CNTNAP2: variants seen among roughly 807,000 people sequenced by gnomAD.
CNTNAP2 encodes the protein contactin associated protein 2.
CNTNAP2 carries 98 observed loss-of-function variants against 155.2 expected under a neutral mutation model. The observed-to-expected ratio is 0.63, with a 90% confidence interval of 0.54 to 0.75. CNTNAP2 has a LOEUF of 0.75. Ranked by LOEUF, CNTNAP2 falls within the 30% of genes least tolerant of loss-of-function variation. The probability of loss-of-function intolerance (pLI) is 0.00; values close to 1 mark genes in which losing one functional copy is unlikely to be tolerated. For synonymous variants in CNTNAP2, 651 were observed against 631.2 expected (o/e 1.03, Z -0.47); for missense variants, 1,727 against 1,688.1 (o/e 1.02, Z -0.40).
At chr7:148,030,946 G>A (rs1208931948) in intron 15 of CNTNAP2, among the ~76,000 whole-genome samples, 1 of 152,122 alleles carries the variant, frequency 6.6e-6, no homozygotes, top group Non-Finnish European at 1.5e-5. Flanking sequence ...ATTAAAAATG[G>A]CAGAGAGACT....
At chr7:146,909,009 A>T (rs1199334274) in intron 3 of CNTNAP2, among the ~76,000 whole-genome samples, 3 of 150,898 alleles carry the variant, frequency 2.0e-5, no homozygotes, top group African/African-American at 7.3e-5. Context: ...CTACCATCAG[A>T]GAATACTACA....
intron 13 of CNTNAP2, among the ~76,000 whole-genome samples, chr7:147,738,381 AGTCAATTGATGTGGCAAACATCATTGTT>A (rs146674699): frequency 0.088 from 13,376 of 152,238 alleles, 823 homozygotes; most frequent in Non-Finnish European, 0.14. Context: ...CATGAAAGGA[AGTCAATTGATGTGGCAAACATCATTGTT>A]GCCTTATTTT....
chr7:146,168,085 CTT>C, intron 1 of CNTNAP2, among the ~76,000 whole-genome samples: 1 of 152,238 alleles, frequency 6.6e-6, no homozygotes, highest in East Asian at 1.9e-4. Flanking sequence ...CTTCTGTCTG[CTT>C]TATTTTGGCT....
chr7:147,045,542 G>C (rs147452845), intron 4 of CNTNAP2, among the ~76,000 whole-genome samples: 310 of 152,250 alleles, frequency 2.0e-3, no homozygotes, highest in African/African-American at 7.2e-3. Flanking sequence ...AAAATTAGTA[G>C]AGAGACAAAA....
chr7:147,852,110 G>A (rs190583097), intron 13 of CNTNAP2, among the ~76,000 whole-genome samples: 74 of 152,176 alleles, frequency 4.9e-4, no homozygotes, highest in Middle Eastern at 6.8e-3. Flanking sequence ...TGTGAAGAGA[G>A]GTATGCACAA....
At chr7:146,497,913 A>AT (rs78522321) in intron 1 of CNTNAP2, among the ~76,000 whole-genome samples, 1 of 117,738 alleles carries the variant, frequency 8.5e-6, no homozygotes, top group Non-Finnish European at 1.7e-5. Flanking sequence ...AAACATATAT[A>AT]AACATATATT....
intron 1 of CNTNAP2, among the ~76,000 whole-genome samples, chr7:146,622,483 A>G (rs919747006): frequency 1.6e-4 from 24 of 152,070 alleles, no homozygotes; most frequent in East Asian, 3.9e-4. Context: ...ATGCATATCT[A>G]TAAATTTCTA....
At chr7:148,227,934 TGA>T (rs1563002887) in intron 19 of CNTNAP2, among the ~76,000 whole-genome samples, 3 of 136,792 alleles carry the variant, frequency 2.2e-5, no homozygotes, top group South Asian at 2.3e-4. Flanking sequence ...TGTGTGTGTG[TGA>T]AAGTCTGGAA....
Position 148,206,424 on chromosome 7 carries a change from G to A in CNTNAP2, c.3011-10864G>A, listed in dbSNP as rs954693437. Among the ~76,000 whole-genome samples the A allele has an allele frequency of 5.9e-4, 89 of 151,912 alleles. 1 individual carries two copies. The highest frequency in any genetic ancestry group is 2.1e-3 in the African/African-American group (87 of 41,426). ...AGGGAATCCAGATATGGATGATATA[G>A]GAGTTATTCATACTATTTTTACAAC... On this transcript the variant is annotated intron_variant, in intron 18 of 23. Coordinates refer to ENST00000361727, the MANE Select transcript of CNTNAP2 (RefSeq NM_014141.6).
intron 2 of CNTNAP2, among the ~76,000 whole-genome samples, chr7:146,809,075 T>G (rs1035043545): frequency 1.3e-5 from 2 of 152,214 alleles, no homozygotes; most frequent in Non-Finnish European, 2.9e-5. Flanking sequence ...TTTTTTAGAT[T>G]TGTACCCAGA....
chr7:146,183,187 C>A (rs1472499575), intron 1 of CNTNAP2, among the ~76,000 whole-genome samples: 2 of 152,014 alleles, frequency 1.3e-5, no homozygotes, highest in African/African-American at 4.8e-5. Flanking sequence ...TATTACCTCC[C>A]ACCAGAGGAT....
intron 20 of CNTNAP2, among the ~76,000 whole-genome samples, chr7:148,259,613 C>T (rs1796520018): frequency 6.6e-6 from 1 of 152,282 alleles, no homozygotes; most frequent in East Asian, 1.9e-4. Context: ...GGGCCCGGCC[C>T]CTCCACCGGT....
intron 13 of CNTNAP2, among the ~76,000 whole-genome samples, chr7:147,825,310 T>TTCA (rs1798429025): frequency 6.6e-6 from 1 of 152,184 alleles, no homozygotes; most frequent in African/African-American, 2.4e-5. Flanking sequence ...AGGTTGGTTG[T>TTCA]TAATGGAGTA....
chr7:147,696,183 T>C (rs1382783633), intron 13 of CNTNAP2, among the ~76,000 whole-genome samples: 1 of 152,208 alleles, frequency 6.6e-6, no homozygotes, highest in Non-Finnish European at 1.5e-5. Context: ...TTAAGGTAAA[T>C]ATCGATGTAG....
chr7:147,300,033 C>A, intron 8 of CNTNAP2, 108 bp from the exon 9 acceptor site: 2 of 1,226,746 alleles, frequency 1.6e-6, no homozygotes, highest in Non-Finnish European at 2.4e-6. Flanking sequence ...ACTGTATTTT[C>A]CAAGAGAAAA....
chr7:147,044,469 G>A (rs950717999), intron 4 of CNTNAP2, among the ~76,000 whole-genome samples: 1 of 151,920 alleles, frequency 6.6e-6, no homozygotes, highest in Admixed American at 6.6e-5. Context: ...AACTTCCTTC[G>A]GGTTCACTAA....
chr7:146,245,276 C>T (rs1302525922), intron 1 of CNTNAP2, among the ~76,000 whole-genome samples: 16 of 151,842 alleles, frequency 1.1e-4, no homozygotes, highest in African/African-American at 4.8e-5. Flanking sequence ...GATTGAAGTC[C>T]GGGCCAGGAA....
intron 13 of CNTNAP2, among the ~76,000 whole-genome samples, chr7:147,673,447 G>A (rs1359960706): frequency 6.6e-6 from 1 of 152,096 alleles, no homozygotes. Flanking sequence ...AATTATCCAC[G>A]GAGAGGGAAG....
chr7:146,529,488 T>C (rs1235469633), intron 1 of CNTNAP2, among the ~76,000 whole-genome samples: 1 of 152,122 alleles, frequency 6.6e-6, no homozygotes, highest in Admixed American at 6.5e-5. Flanking sequence ...CTCAAGAACA[T>C]TGATGATCCC....
Sources: allele counts gnomAD v4.1 joint callset (sites outside exome capture counted in the v4.1 genomes callset), GRCh38; gene constraint gnomAD v4.1.1; transcripts MANE v1.5; gene names NCBI Gene and HGNC (gene_info 2026-07-23, HGNC 2026-07-21).